FSIP2: variants seen among roughly 807,000 people sequenced by gnomAD.
The protein encoded by FSIP2 is fibrous sheath-interacting protein 2.
In FSIP2, 367 loss-of-function variants were observed where a neutral mutation model predicts 510.5. The observed-to-expected ratio is 0.72, with a 90% CI of 0.66 to 0.78. The LOEUF (loss-of-function observed/expected upper bound fraction) is 0.78. Ranked by LOEUF, FSIP2 falls within the 30% of genes least tolerant of loss-of-function variation. FSIP2 has a pLI of 0.00. For missense variants in FSIP2, 7,594 were observed against 7,901.7 expected, an observed-to-expected ratio of 0.96 and a Z score of 1.48; for synonymous variants, 2,601 against 2,732.2, an observed-to-expected ratio of 0.95 and a Z score of 1.50.
At position 185,796,442 on chromosome 2, in the gene FSIP2, C is replaced by T. The variant is rs1227372291; in HGVS notation, c.9306C>T (p.Ser3102=). 2 of 1,534,652 alleles carry T rather than the reference C, an allele frequency of 1.3e-6. No individual in the cohort carries two copies. Among genetic ancestry groups the T allele is most frequent in the Non-Finnish European group, 1.7e-6 (2 of 1,146,084 alleles). ...VIKNKLDNEI[S]QMEPSSISIL... is the part of the protein sequence containing the mutation. ...AGAACAAGCTAGACAACGAAATAAG[C>T]CAAATGGAACCATCTTCAATTAGCA... The change falls in exon 16 of 23, where the codon AGC becomes AGT. Residue 3102 remains serine (S), a synonymous_variant. Coordinates refer to ENST00000424728, the MANE Select transcript of FSIP2 (RefSeq NM_173651.4).
chr2:185,800,517 C>T lies in FSIP2; in HGVS notation c.11211C>T (p.Ser3737=). ...FYSSNNEQPN[S]ILTNNLQLSS... ...CCTCGAATAATGAGCAACCTAATAG[C>T]ATACTTACCAATAACCTACAGCTCT... Residue 3737 remains serine, a synonymous_variant, in exon 17 of 23, where the codon AGC becomes AGT. Transcript: ENST00000424728. 6.5e-7 allele frequency: 1 copy of T among 1,531,388 alleles called. No homozygotes were observed. Among genetic ancestry groups the T allele is most frequent in the South Asian group, 1.2e-5 (1 of 83,234 alleles). 94.9% of individuals were successfully genotyped at this position (1,531,388 alleles called of 1,614,324 possible).
At position 185,795,037 on chromosome 2, in the gene FSIP2, A is replaced by C. The variant is rs1196520187; in HGVS notation, c.7901A>C (p.Gln2634Pro). ...LPLQVKKDLI[Q>P]MVLNKITNFV... ...TTGCAAGTGAAGAAAGACTTAATTC[A>C]AATGGTTCTCAATAAGATCACAAAT... Residue 2634 changes from glutamine (Q) to proline (P), a missense_variant, in exon 16 of 23, where the codon CAA (glutamine) becomes CCA (proline). Gln to Pro is a moderately conservative substitution (Grantham distance 76). Transcript: ENST00000424728. The C allele has an allele frequency of 3.9e-6, 6 of 1,534,458 alleles. No individual in the cohort carries two copies. The highest frequency in any genetic ancestry group is 1.2e-5 in the South Asian group (1 of 83,964).
chr2:185,756,559 T>A (rs7584637), intron 9 of FSIP2, among the ~76,000 whole-genome samples: 29 of 151,262 alleles, frequency 1.9e-4, no homozygotes, highest in African/African-American at 4.6e-4. Context: ...ACAGCATGCC[T>A]ACCAACTTGC....
intron 20 of FSIP2, among the ~76,000 whole-genome samples, chr2:185,826,159 T>C (rs1694009589): frequency 6.6e-6 from 1 of 151,808 alleles, no homozygotes; most frequent in African/African-American, 2.4e-5. Context: ...CATCCTATGA[T>C]GTTCACACAA....
rs536905730 is a variant in FSIP2 at position 185,804,477 on chromosome 2, A to G, written c.15171A>G (p.Ile5057Met). Residue 5057 changes from isoleucine to methionine, a missense_variant, in exon 17 of 23, where the codon ATA (isoleucine) becomes ATG (methionine). Transcript: ENST00000424728. ...ACACAATATGTTTTGGTAGGAAAAT[A>G]TATTATTTGCTATTGGAAGAAATAT... ...QSDTICFGRKIYYLLLEEIYD... is the reference protein window; with the variant it reads ...QSDTICFGRKMYYLLLEEIYD... The G allele has an allele frequency of 8.5e-4, 1,284 of 1,516,688 alleles. No individual in the cohort carries two copies. Among genetic ancestry groups the G allele is most frequent in the Non-Finnish European group, 1.0e-3 (1,181 of 1,136,702 alleles). The allele number at this position is 1,516,688 out of a possible 1,614,324, so 94.0% of individuals were successfully genotyped here. A position where few individuals can be genotyped will look rare whatever the true frequency, so the allele number is the denominator to read the frequency against.
At chr2:185,828,104 A>G in intron 20 of FSIP2, 52 bp from the exon 21 acceptor site, 1 of 980,328 alleles carries the variant, frequency 1.0e-6, no homozygotes, top group South Asian at 1.4e-5. Context: ...GTCAACAAAT[A>G]TACATGCCTC....
rs1428317704 is a variant in FSIP2 at position 185,793,131 on chromosome 2, T to C, written c.5995T>C (p.Leu1999=). 3 of 1,534,374 alleles carry C rather than the reference T, an allele frequency of 2.0e-6. No individual in the cohort carries two copies. Among genetic ancestry groups the C allele is most frequent in the Non-Finnish European group, 2.6e-6 (3 of 1,145,660 alleles). ...CTTGTGCCAACTGTCTTTGTCTAAA[T>C]TAAATACTTATGCACTACAAGTGGC... ...TNLCQLSLSK[L]NTYALQVARR... Residue 1999 remains leucine (L), a synonymous_variant, in exon 16 of 23, where the codon TTA becomes CTA. Transcript: ENST00000424728.
chr2:185,799,563 C>A (rs77559158), intron 16 of FSIP2, 134 bp from the exon 17 acceptor site: 6,073 of 434,842 alleles, frequency 0.014, 340 homozygotes, highest in African/African-American at 0.11. Context: ...AATCTAATTT[C>A]TTTTTTTGTT....
intron 7 of FSIP2, among the ~76,000 whole-genome samples, chr2:185,751,256 T>G (rs2105540736): frequency 6.6e-6 from 1 of 151,662 alleles, no homozygotes; most frequent in Non-Finnish European, 1.5e-5. Context: ...CAGTATTAGG[T>G]AAAAAATGGC....
At chr2:185,786,496 T>C (rs546126818) in intron 15 of FSIP2, among the ~76,000 whole-genome samples, 1 of 151,984 alleles carries the variant, frequency 6.6e-6, no homozygotes, top group Non-Finnish European at 1.5e-5. Context: ...AAAGATAATA[T>C]TGACCCTTCA....
At chr2:185,770,792 C>T (rs1054968326) in intron 13 of FSIP2, among the ~76,000 whole-genome samples, 4 of 152,110 alleles carry the variant, frequency 2.6e-5, no homozygotes, top group Admixed American at 6.6e-5. Context: ...ATAAAAAGTC[C>T]AAGGTCCAAA....
chr2:185,806,884 G>A lies in FSIP2; in HGVS notation c.17578G>A (p.Val5860Met), dbSNP rs768137269. 6.2e-7 allele frequency: 1 copy of A among 1,608,856 alleles called. No homozygotes were observed. The highest frequency in any genetic ancestry group is 8.5e-7 in the Non-Finnish European group (1 of 1,177,966). ...DKGNQFPGGKVSSVPKVPPRY... is the reference protein window; with the variant it reads ...DKGNQFPGGKMSSVPKVPPRY... ...GGGAAATCAGTTCCCTGGGGGTAAAGTGTCTTCAGTTCCTAAAGTACCTCC... is the reference window on the plus strand; with the variant it reads ...GGGAAATCAGTTCCCTGGGGGTAAAATGTCTTCAGTTCCTAAAGTACCTCC... Residue 5860 changes from valine (V) to methionine (M), a missense_variant, in exon 17 of 23, where the codon GTG becomes ATG. Transcript: ENST00000424728.
chr2:185,755,497 T>C (rs1445744333), intron 8 of FSIP2, among the ~76,000 whole-genome samples: 1 of 151,626 alleles, frequency 6.6e-6, no homozygotes, highest in Non-Finnish European at 1.5e-5. Context: ...AAAATGAGTT[T>C]AATTTATATT....
At chr2:185,756,399 C>G in intron 9 of FSIP2, 121 bp downstream of exon 9, 1 of 410,290 alleles carries the variant, frequency 2.4e-6, no homozygotes, top group African/African-American at 2.0e-5. Flanking sequence ...TATCAAATAA[C>G]TGATTTTGAG....
Position 185,788,617 on chromosome 2 carries a change from T to G in FSIP2, c.1507-26T>G, listed in dbSNP as rs550008122. ...GAGTAAGTTGTTACATGACTTTATT[T>G]TCATCTCTGCTTACCTCCTTTCCAG... On this transcript the variant is annotated intron_variant, in intron 15 of 22. Transcript: ENST00000424728. 4 of 1,435,250 alleles carry G rather than the reference T, an allele frequency of 2.8e-6. No homozygotes were observed. In the African/African-American group the frequency reaches 5.8e-5, roughly 21 times the overall value. 88.9% of individuals were successfully genotyped at this position (1,435,250 alleles called of 1,614,324 possible).
At chr2:185,761,234 A>G (rs1463190283) in intron 10 of FSIP2, 131 bp downstream of exon 10, 4 of 405,400 alleles carry the variant, frequency 9.9e-6, no homozygotes, top group Non-Finnish European at 1.3e-5. Context: ...TTCATGAAAC[A>G]TGATCCATTT....
At chr2:185,798,287 T>C (rs1693347420) in intron 16 of FSIP2, among the ~76,000 whole-genome samples, 1 of 151,926 alleles carries the variant, frequency 6.6e-6, no homozygotes. Flanking sequence ...AAAAGAACAG[T>C]AGAATTGAAT....
chr2:185,751,133 T>C (rs1199364455), intron 7 of FSIP2, among the ~76,000 whole-genome samples: 3 of 151,534 alleles, frequency 2.0e-5, no homozygotes, highest in Admixed American at 2.0e-4. Context: ...ATCCAAGTCC[T>C]AGCTCAATTT....
Position 185,797,162 on chromosome 2 carries a change from C to A in FSIP2, c.10026C>A (p.Gly3342=), listed in dbSNP as rs572274328. 1 of 1,534,864 alleles carries A rather than the reference C, an allele frequency of 6.5e-7. No homozygotes were observed. Among genetic ancestry groups the A allele is most frequent in the Non-Finnish European group, 8.7e-7 (1 of 1,146,176 alleles). ...NIVNTVLSSC[G]FPSQPHTNEN... ...TCAATACTGTGCTATCCAGCTGTGG[C>A]TTTCCAAGTCAACCACACACTAATG... is the stretch of plus-strand genomic sequence containing the variant. Residue 3342 remains glycine, a synonymous_variant, in exon 16 of 23, where the codon GGC becomes GGA. Coordinates refer to ENST00000424728, the MANE Select transcript of FSIP2 (RefSeq NM_173651.4).
Sources: gnomAD v4.1 joint callset for allele counts (sites outside exome capture counted in the v4.1 genomes callset) on GRCh38, gnomAD v4.1.1 for gene constraint, MANE v1.5 for transcripts, NCBI Gene and HGNC (gene_info 2026-07-23, HGNC 2026-07-21) for gene names.